Variants in PAN3 observed in about 807,000 individuals in gnomAD.
The protein encoded by PAN3 is PAN2-PAN3 deadenylation complex subunit PAN3.
Under a neutral mutation model 96.2 loss-of-function variants are expected in PAN3, and 19 were observed. The ratio of observed to expected loss-of-function variants is 0.20; its 90% CI spans 0.14 to 0.29. The LOEUF (loss-of-function observed/expected upper bound fraction) is 0.29, where lower values mean the gene tolerates loss of function less well. Among genes scored for constraint, PAN3 ranks in the 10% least tolerant of loss-of-function variants. The probability of loss-of-function intolerance (pLI) is 1.00; values close to 1 mark genes in which losing one functional copy is unlikely to be tolerated. For missense variants in PAN3, 882 were observed against 1,108.1 expected, an observed-to-expected ratio of 0.80 and a Z score of 2.90; for synonymous variants, 433 against 406.6, an observed-to-expected ratio of 1.06 and a Z score of -0.78.
chr13:28,193,084 T>TA (rs939213773), intron 4 of PAN3, among the ~76,000 whole-genome samples: 2 of 152,164 alleles, frequency 1.3e-5, no homozygotes, highest in Admixed American at 6.5e-5. Flanking sequence ...TGATGAGCTT[T>TA]AAAAAAATGG....
In PAN3 at chr13:28,180,353, A is replaced by C. The variant is rs574816241; in HGVS notation, c.690+2418A>C. ...TAATCTACAGACACAGAGTTTTTCCAGTAGTGAGCAATATAGTTAGAATCT... is the reference window on the plus strand; with the variant it reads ...TAATCTACAGACACAGAGTTTTTCCCGTAGTGAGCAATATAGTTAGAATCT... On this transcript the variant is annotated intron_variant, in intron 4 of 18. Transcript: ENST00000380958. Among the ~76,000 whole-genome samples the C allele has an allele frequency of 6.4e-4, 97 of 152,318 alleles. 1 individual carries two copies. The highest frequency in any genetic ancestry group is 2.1e-3 in the African/African-American group (89 of 41,576).
chr13:28,227,187 C>T (rs984337380), intron 6 of PAN3, among the ~76,000 whole-genome samples: 1 of 152,100 alleles, frequency 6.6e-6, no homozygotes, highest in East Asian at 1.9e-4. Flanking sequence ...GAAACTGAGG[C>T]GAGACGTTTA....
At chr13:28,204,709 G>C (rs1219649547) in intron 5 of PAN3, among the ~76,000 whole-genome samples, 1 of 152,154 alleles carries the variant, frequency 6.6e-6, no homozygotes, top group Non-Finnish European at 1.5e-5. Context: ...TTGAATGAAA[G>C]GTTCTGGGAA....
At chr13:28,162,187 C>T (rs1345933151) in intron 1 of PAN3, among the ~76,000 whole-genome samples, 2 of 152,200 alleles carry the variant, frequency 1.3e-5, no homozygotes, top group Non-Finnish European at 2.9e-5. Context: ...CTTAAGTATA[C>T]TGTTGAAGGT....
At position 28,138,672 on chromosome 13, in the gene PAN3, C is replaced by A; in HGVS notation, c.15C>A (p.Gly5=). MNSG[G]GLPPPSAAAS... ...GCGGCGTTGCCATGAACAGTGGCGG[C>A]GGCCTCCCGCCCCCCTCGGCCGCCG... Residue 5 remains glycine (G), a synonymous_variant, in exon 1 of 19, where the codon GGC becomes GGA. Coordinates refer to ENST00000380958, the MANE Select transcript of PAN3 (RefSeq NM_175854.8). 1 of 786,550 alleles carries A rather than the reference C, an allele frequency of 1.3e-6. No homozygotes were observed. Among genetic ancestry groups the A allele is most frequent in the Non-Finnish European group, 1.8e-6 (1 of 555,300 alleles). 48.7% of individuals were successfully genotyped at this position (786,550 alleles called of 1,614,324 possible). A position where few individuals can be genotyped will look rare whatever the true frequency, so the allele number is the denominator to read the frequency against.
intron 5 of PAN3, among the ~76,000 whole-genome samples, chr13:28,210,262 G>C (rs1446812657): frequency 6.6e-6 from 1 of 152,140 alleles, no homozygotes. Flanking sequence ...ATTGCTTTAT[G>C]CTGAGATCAT....
chr13:28,241,032 T>C (rs9508008), intron 6 of PAN3, among the ~76,000 whole-genome samples: 151,977 of 152,358 alleles, frequency 1, 75,799 homozygotes, highest in Middle Eastern at 1. Context: ...GGAACCGAGG[T>C]GGCAAGGTTG....
intron 10 of PAN3, 78 bp from the exon 11 acceptor site, chr13:28,267,017 G>T: frequency 7.2e-7 from 1 of 1,389,872 alleles, no homozygotes; most frequent in Non-Finnish European, 9.8e-7. Flanking sequence ...TATAAATATG[G>T]CAATTTTTTT....
At chr13:28,260,319 G>A (rs528335824) in intron 7 of PAN3, 128 bp from the exon 8 acceptor site, 29 of 597,328 alleles carry the variant, frequency 4.9e-5, no homozygotes, top group Non-Finnish European at 7.2e-5. Flanking sequence ...ACTTGAACCC[G>A]GGAGGCAGAG....
At chr13:28,248,441 T>A (rs1443891380) in intron 6 of PAN3, among the ~76,000 whole-genome samples, 1 of 152,222 alleles carries the variant, frequency 6.6e-6, no homozygotes, top group Non-Finnish European at 1.5e-5. Context: ...TTGCTGGGGC[T>A]AGGACTTCCA....
intron 6 of PAN3, among the ~76,000 whole-genome samples, chr13:28,232,115 T>C (rs930195803): frequency 4.6e-5 from 7 of 152,106 alleles, no homozygotes; most frequent in African/African-American, 1.7e-4. Flanking sequence ...CTCAAAAAAA[T>C]GAAAAAGAAT....
Position 28,287,977 on chromosome 13 carries a change from C to G in PAN3, c.2385-7C>G, listed in dbSNP as rs781247155. 1 of 1,602,720 alleles carries G rather than the reference C, an allele frequency of 6.2e-7. No homozygotes were observed. Among genetic ancestry groups the G allele is most frequent in the Admixed American group, 1.7e-5 (1 of 57,270 alleles). On this transcript the variant is annotated splice_polypyrimidine_tract_variant and splice_region_variant and intron_variant, in intron 17 of 18. Transcript: ENST00000380958. ...AGTTACTGAGGTAAAATGTTCATTT[C>G]CCCCAGGTTTCAGAAGGATCCCACT...
intron 12 of PAN3, among the ~76,000 whole-genome samples, chr13:28,269,557 T>C (rs1057031198): frequency 4.0e-5 from 6 of 151,634 alleles, no homozygotes; most frequent in Non-Finnish European, 7.4e-5. Context: ...TCAGAATGAG[T>C]CTATATCAGT....
At chr13:28,161,581 T>C (rs1872889803) in intron 1 of PAN3, among the ~76,000 whole-genome samples, 2 of 152,120 alleles carry the variant, frequency 1.3e-5, no homozygotes, top group South Asian at 4.1e-4. Flanking sequence ...AGCATAGGAA[T>C]GTGGTGGGGG....
At chr13:28,266,572 TAATA>T (rs1262280752) in intron 9 of PAN3, 139 bp from the exon 10 acceptor site, 4 of 543,832 alleles carry the variant, frequency 7.4e-6, no homozygotes, top group African/African-American at 3.8e-5. Flanking sequence ...TATGGAATTG[TAATA>T]AATGTTTACA....
chr13:28,226,965 T>C (rs1237313989), intron 6 of PAN3, among the ~76,000 whole-genome samples: 2 of 152,314 alleles, frequency 1.3e-5, no homozygotes, highest in East Asian at 3.9e-4. Context: ...TATTTTATGA[T>C]TAAGATGAGG....
chr13:28,223,714 A>T (rs2138396082), intron 6 of PAN3, among the ~76,000 whole-genome samples: 1 of 152,138 alleles, frequency 6.6e-6, no homozygotes, highest in Admixed American at 6.5e-5. Flanking sequence ...ATACAGTAAG[A>T]ATACTTTTAA....
Position 28,267,338 on chromosome 13 carries a change from A to G in PAN3, c.1729A>G (p.Thr577Ala). 1 of 1,613,828 alleles carries G rather than the reference A, an allele frequency of 6.2e-7. No individual in the cohort carries two copies. Among genetic ancestry groups the G allele is most frequent in the Non-Finnish European group, 8.5e-7 (1 of 1,179,838 alleles). ...ATATGATTTCCATGCTGGAGGAGAA[A>G]CTATGATGAGCAGACACTTTAATGA... is the stretch of plus-strand genomic sequence containing the variant. ...FAYDFHAGGE[T>A]MMSRHFNDPN... Residue 577 changes from threonine (T) to alanine (A), a missense_variant, in exon 12 of 19, where the codon ACT (threonine) becomes GCT (alanine). Thr to Ala is a moderately conservative substitution (Grantham distance 58). Transcript: ENST00000380958.
chr13:28,261,769 C>T (rs1885746126), intron 9 of PAN3, among the ~76,000 whole-genome samples: 1 of 144,682 alleles, frequency 6.9e-6, no homozygotes, highest in Non-Finnish European at 1.5e-5. Context: ...GTTAAGACTG[C>T]AGTGAGCTGG....
Sources: allele counts gnomAD v4.1 joint callset (sites outside exome capture counted in the v4.1 genomes callset), GRCh38; gene constraint gnomAD v4.1.1; transcripts MANE v1.5; gene names NCBI Gene and HGNC (gene_info 2026-07-23, HGNC 2026-07-21).